Variants in KRTCAP2 observed in about 807,000 individuals in gnomAD.
KRTCAP2 encodes the protein keratinocyte associated protein 2.
Under a neutral mutation model 16.5 loss-of-function variants are expected in KRTCAP2, and 10 were observed. The ratio of observed to expected loss-of-function variants is 0.60; its 90% CI spans 0.37 to 1.02. The LOEUF is 1.02. Among genes scored for constraint, KRTCAP2 ranks in the 50% least tolerant of loss-of-function variants. KRTCAP2 has a pLI of 0.01. For missense variants in KRTCAP2, 152 were observed against 159.6 expected (o/e 0.95, Z 0.26); for synonymous variants, 68 against 69.8 (o/e 0.97, Z 0.13).
rs2147770661 is a variant in KRTCAP2, at chr1:155,173,250, G to C, written c.-26C>G. On this transcript the variant is annotated 5_prime_UTR_variant, in exon 1 of 5. Transcript: ENST00000295682. ...CATGCCCCGCCCGTGAGTCCAACCG[G>C]CGCCTCTGGCCAAGAAAGGCGAGCT... 6.2e-7 allele frequency: 1 copy of C among 1,614,062 alleles called. No homozygotes were observed. The highest frequency in any genetic ancestry group is 2.2e-5 in the East Asian group (1 of 44,892).
Position 155,173,270 on chromosome 1 carries a change from C to G in KRTCAP2, c.-46G>C. 3.7e-6 allele frequency: 6 copies of G among 1,614,130 alleles called. No homozygotes were observed. Among genetic ancestry groups the G allele is most frequent in the Non-Finnish European group, 5.1e-6 (6 of 1,180,012 alleles). ...AACCGGCGCCTCTGGCCAAGAAAGG[C>G]GAGCTGAACCGGGTGCGGTTAGCTA... On this transcript the variant is annotated 5_prime_UTR_variant, in exon 1 of 5. Coordinates refer to ENST00000295682, the MANE Select transcript of KRTCAP2 (RefSeq NM_173852.4).
chr1:155,169,678 G>A, intron 4 of KRTCAP2, 113 bp downstream of exon 4: 2 of 1,393,796 alleles, frequency 1.4e-6, no homozygotes, highest in African/African-American at 1.4e-5. Context: ...AAAACGGGGA[G>A]GGAGAACAGA....
chr1:155,173,284 T>C lies in KRTCAP2; in HGVS notation c.-60A>G. 3 of 1,614,000 alleles carry C rather than the reference T, an allele frequency of 1.9e-6. No homozygotes were observed. Among genetic ancestry groups the C allele is most frequent in the Non-Finnish European group, 2.5e-6 (3 of 1,179,956 alleles). ...GCCAAGAAAGGCGAGCTGAACCGGG[T>C]GCGGTTAGCTATGCGCATGCGTCAG... On this transcript the variant is annotated 5_prime_UTR_variant, in exon 1 of 5. Coordinates refer to ENST00000295682, the MANE Select transcript of KRTCAP2 (RefSeq NM_173852.4).
chr1:155,172,916 G>C (rs41264911), intron 1 of KRTCAP2, 24 bp from the exon 2 acceptor site: 1 of 1,611,402 alleles, frequency 6.2e-7, no homozygotes, highest in South Asian at 1.1e-5. Flanking sequence ...GAGAAGGGAC[G>C]GAGAGTCAGG....
intron 3 of KRTCAP2, chr1:155,170,625 T>A (rs957309797): frequency 4.0e-5 from 6 of 151,878 alleles, no homozygotes; most frequent in African/African-American, 1.5e-4. Flanking sequence ...GAGGGCAGAG[T>A]GCTTGGATCT....
rs1021721170 is a variant in KRTCAP2 at position 155,172,901 on chromosome 1, G to A, written c.5-9C>T. 2.5e-6 allele frequency: 4 copies of A among 1,613,432 alleles called. No homozygotes were observed. The highest frequency in any genetic ancestry group is 4.5e-5 in the East Asian group (2 of 44,886). On this transcript the variant is annotated splice_polypyrimidine_tract_variant and intron_variant, in intron 1 of 4. Coordinates refer to ENST00000295682, the MANE Select transcript of KRTCAP2 (RefSeq NM_173852.4). ...GGTGCCCGTACCCACCACTGGAGGG[G>A]ATGGGAGAAGGGACGGAGAGTCAGG... is the stretch of plus-strand genomic sequence containing the variant.
rs768907029 is a variant in KRTCAP2, at chr1:155,169,551, G to A, written c.300C>T (p.Phe100=). 6.2e-7 allele frequency: 1 copy of A among 1,614,076 alleles called. No individual in the cohort carries two copies. Among genetic ancestry groups the A allele is most frequent in the Non-Finnish European group, 8.5e-7 (1 of 1,179,980 alleles). ...TGATGTAGTACAGACCAACCATGGA[G>A]AAGATGAAGCTATATGGTGAAGACA... ...HRVCVTTCFI[F]SMVGLYYINK... The change falls in exon 5 of 5, where the codon TTC becomes TTT. Residue 100 remains phenylalanine (F), a synonymous_variant. Transcript: ENST00000295682.
In KRTCAP2 at chr1:155,172,724, T is replaced by G; in HGVS notation, c.159+14A>C. ...GCCTACGTGGCCCGCCCCCTCCAAC[T>G]GCAGGGAGGATACAGTGAGCGAGAA... On this transcript the variant is annotated intron_variant, in intron 2 of 4. Coordinates refer to ENST00000295682, the MANE Select transcript of KRTCAP2 (RefSeq NM_173852.4). 1 of 1,614,076 alleles carries G rather than the reference T, an allele frequency of 6.2e-7. No homozygotes were observed. The highest frequency in any genetic ancestry group is 1.7e-5 in the Admixed American group (1 of 60,004).
At chr1:155,172,989 C>A in intron 1 of KRTCAP2, 97 bp from the exon 2 acceptor site, 1 of 1,344,886 alleles carries the variant, frequency 7.4e-7, no homozygotes, top group Middle Eastern at 2.6e-4. Flanking sequence ...GTGGGCCGAC[C>A]CCCTCCAAGA....
chr1:155,173,160 C>T (rs1238566008), intron 1 of KRTCAP2, 61 bp downstream of exon 1: 50 of 1,413,804 alleles, frequency 3.5e-5, no homozygotes, highest in Non-Finnish European at 4.9e-5. Context: ...ACGAGGAAAG[C>T]TTGTCCACCC....
intron 3 of KRTCAP2, chr1:155,172,024 A>G (rs1665268029): frequency 1.8e-5 from 18 of 990,404 alleles, no homozygotes; most frequent in Non-Finnish European, 2.2e-5. Context: ...TTCTCCATAA[A>G]TAACTGAATC....
Position 155,173,249 on chromosome 1 carries a change from G to A in KRTCAP2, c.-25C>T. On this transcript the variant is annotated 5_prime_UTR_variant, in exon 1 of 5. Transcript: ENST00000295682. Reference sequence around the variant, plus strand: ...TCATGCCCCGCCCGTGAGTCCAACCGGCGCCTCTGGCCAAGAAAGGCGAGC... The same window carrying A: ...TCATGCCCCGCCCGTGAGTCCAACCAGCGCCTCTGGCCAAGAAAGGCGAGC... 6.2e-7 allele frequency: 1 copy of A among 1,614,046 alleles called. No homozygotes were observed. The highest frequency in any genetic ancestry group is 8.5e-7 in the Non-Finnish European group (1 of 1,180,004).
At position 155,172,798 on chromosome 1, in the gene KRTCAP2, G is replaced by T. The variant is rs1357945372; in HGVS notation, c.99C>A (p.Thr33=). ...MQMYSRQLAS[T]EWLTIQGGLL... is the part of the protein sequence containing the mutation. ...GGCCGCCCTGGATGGTGAGCCACTC[G>T]GTGGAGGCCAGCTGACGGCTGTACA... The change falls in exon 2 of 5, where the codon ACC becomes ACA. Residue 33 remains threonine, a synonymous_variant. Coordinates refer to ENST00000295682, the MANE Select transcript of KRTCAP2 (RefSeq NM_173852.4). The T allele has an allele frequency of 6.2e-7, 1 of 1,614,250 alleles. No homozygotes were observed. The highest frequency in any genetic ancestry group is 2.2e-5 in the East Asian group (1 of 44,886).
chr1:155,173,211 G>C lies in KRTCAP2; in HGVS notation c.4+10C>G. ...CTAGGACTTCCTGGGGACCCCACCG[G>C]TCCTGTTACCCATCATGCCCCGCCC... On this transcript the variant is annotated intron_variant, in intron 1 of 4. Coordinates refer to ENST00000295682, the MANE Select transcript of KRTCAP2 (RefSeq NM_173852.4). 1 of 1,612,580 alleles carries C rather than the reference G, an allele frequency of 6.2e-7. No individual in the cohort carries two copies. The highest frequency in any genetic ancestry group is 1.1e-5 in the South Asian group (1 of 90,996).
chr1:155,173,235 C>T lies in KRTCAP2; in HGVS notation c.-11G>A, dbSNP rs988343008. ...GGTCCTGTTACCCATCATGCCCCGC[C>T]CGTGAGTCCAACCGGCGCCTCTGGC... On this transcript the variant is annotated 5_prime_UTR_variant, in exon 1 of 5. Coordinates refer to ENST00000295682, the MANE Select transcript of KRTCAP2 (RefSeq NM_173852.4). 5 of 1,613,984 alleles carry T rather than the reference C, an allele frequency of 3.1e-6. No homozygotes were observed. The highest frequency in any genetic ancestry group is 3.4e-6 in the Non-Finnish European group (4 of 1,180,018).
At chr1:155,172,493 G>T in intron 3 of KRTCAP2, 72 bp downstream of exon 3, 1 of 1,612,718 alleles carries the variant, frequency 6.2e-7, no homozygotes, top group East Asian at 2.2e-5. Context: ...TAAGCATCTG[G>T]AAATTCAATA....
In KRTCAP2 at chr1:155,169,533, G is replaced by T; in HGVS notation, c.318C>A (p.Tyr106Ter). Reference protein sequence around the residue: ...TCFIFSMVGLYYINKISSTLY... With the variant: ...TCFIFSMVGL ...GGGTGGAGGAGATCTTGTTGATGTA[G>T]TACAGACCAACCATGGAGAAGATGA... The change falls in exon 5 of 5, where the codon TAC becomes TAA. Residue 106 changes from tyrosine (Y) to a stop codon, truncating the protein, a stop_gained. Coordinates refer to ENST00000295682, the MANE Select transcript of KRTCAP2 (RefSeq NM_173852.4). LOFTEE classifies it high-confidence loss of function. The T allele has an allele frequency of 6.2e-7, 1 of 1,614,110 alleles. No homozygotes were observed. Among genetic ancestry groups the T allele is most frequent in the Non-Finnish European group, 8.5e-7 (1 of 1,179,992 alleles).
chr1:155,171,582 GCA>G (rs1213202603), intron 3 of KRTCAP2: 2 of 985,274 alleles, frequency 2.0e-6, no homozygotes, highest in Admixed American at 1.2e-4. Context: ...GGGCAGCCAG[GCA>G]CAGTGGCTCA....
In KRTCAP2 at chr1:155,169,882, G is replaced by C. The variant is rs748726216; in HGVS notation, c.224-25C>G. On this transcript the variant is annotated intron_variant, in intron 3 of 4. Transcript: ENST00000295682. ...ACTAGGGAGGCAAGAAGAACAAGGA[G>C]GGCAACGGTCAGAATGGAAATACTA... 2.0e-6 allele frequency: 3 copies of C among 1,513,084 alleles called. No individual in the cohort carries two copies. The South Asian group carries it at 3.6e-5, about 18-fold the overall frequency. 93.7% of individuals were successfully genotyped at this position (1,513,084 alleles called of 1,614,324 possible).
Sources: gnomAD v4.1 joint callset for allele counts on GRCh38, gnomAD v4.1.1 for gene constraint, MANE v1.5 for transcripts, NCBI Gene and HGNC (gene_info 2026-07-23, HGNC 2026-07-21) for gene names.